TLN2: variants seen among roughly 807,000 people sequenced by gnomAD.
The protein encoded by TLN2 is talin-2.
Under a neutral mutation model 294.7 loss-of-function variants are expected in TLN2, and 118 were observed. The ratio of observed to expected loss-of-function variants is 0.40; its 90% confidence interval spans 0.34 to 0.47. The LOEUF is 0.47. Among genes scored for constraint, TLN2 ranks in the 20% least tolerant of loss-of-function variants. The pLI, the probability that TLN2 is intolerant of heterozygous loss-of-function variation, is 0.84. For missense variants in TLN2, 3,083 were observed against 3,282.2 expected (o/e 0.94, Z 1.48); for synonymous variants, 1,431 against 1,304.5 (o/e 1.10, Z -2.09).
chr15:62,568,404 T>C (rs1012079818), intron 1 of TLN2, among the ~76,000 whole-genome samples: 4 of 152,224 alleles, frequency 2.6e-5, no homozygotes, highest in Non-Finnish European at 5.9e-5. Flanking sequence ...AGCAATCTCT[T>C]TAAATGGAAC....
chr15:62,467,665 A>G (rs1364631144), intron 1 of TLN2, among the ~76,000 whole-genome samples: 4 of 141,526 alleles, frequency 2.8e-5, no homozygotes, highest in African/African-American at 1.0e-4. Flanking sequence ...AGCCTGGGTG[A>G]CAGAGTGAGA....
intron 1 of TLN2, among the ~76,000 whole-genome samples, chr15:62,542,379 A>C (rs2041744795): frequency 6.6e-6 from 1 of 151,850 alleles, no homozygotes; most frequent in South Asian, 2.1e-4. Flanking sequence ...TTTAGTAGAG[A>C]CGGGGTTTCA....
At chr15:62,711,515 T>G (rs1381933630) in intron 21 of TLN2, among the ~76,000 whole-genome samples, 1 of 152,240 alleles carries the variant, frequency 6.6e-6, no homozygotes, top group Non-Finnish European at 1.5e-5. Flanking sequence ...CTGTGCCAAT[T>G]CTTCAAAAAG....
At chr15:62,578,676 C>T (rs1297936023) in intron 1 of TLN2, among the ~76,000 whole-genome samples, 1 of 152,090 alleles carries the variant, frequency 6.6e-6, no homozygotes, top group African/African-American at 2.4e-5. Flanking sequence ...GATTTTATTC[C>T]AGGTAGAGAG....
intron 2 of TLN2, among the ~76,000 whole-genome samples, chr15:62,614,786 C>T (rs1334001846): frequency 1.3e-5 from 2 of 152,132 alleles, no homozygotes. Context: ...ACTTCTCCAC[C>T]ATCTTTCTGT....
At chr15:62,504,735 T>C (rs2039494746) in intron 1 of TLN2, among the ~76,000 whole-genome samples, 2 of 152,246 alleles carry the variant, frequency 1.3e-5, no homozygotes, top group South Asian at 2.1e-4. Flanking sequence ...TATTTATTTA[T>C]TGTTGTCAGT....
chr15:62,497,505 G>A (rs2039071223), intron 1 of TLN2, among the ~76,000 whole-genome samples: 1 of 152,242 alleles, frequency 6.6e-6, no homozygotes, highest in Non-Finnish European at 1.5e-5. Context: ...GCTGCAGGAT[G>A]CCTGCTTCCT....
At chr15:62,629,493 T>A (rs2049584687) in intron 3 of TLN2, among the ~76,000 whole-genome samples, 2 of 152,190 alleles carry the variant, frequency 1.3e-5, no homozygotes, top group African/African-American at 4.8e-5. Context: ...TGAATTTTGT[T>A]TTTAAAGCTT....
At chr15:62,828,279 T>A (rs2068415660) in intron 54 of TLN2, 1 of 152,262 alleles carries the variant, frequency 6.6e-6, no homozygotes, top group African/African-American at 2.4e-5. Flanking sequence ...AAATCTGTCC[T>A]CAGCAAGAGT....
chr15:62,749,347 A>G (rs1198197504), intron 33 of TLN2, among the ~76,000 whole-genome samples: 1 of 152,166 alleles, frequency 6.6e-6, no homozygotes, highest in Non-Finnish European at 1.5e-5. Flanking sequence ...CTGAATTACT[A>G]CCCTATTCTG....
chr15:62,419,759 C>A (rs1237824614), intron 1 of TLN2, among the ~76,000 whole-genome samples: 1 of 152,074 alleles, frequency 6.6e-6, no homozygotes. Flanking sequence ...GCGTCATCCT[C>A]CTAAGCAGCT....
chr15:62,647,892 A>T (rs1032095199), intron 4 of TLN2, among the ~76,000 whole-genome samples: 3 of 151,752 alleles, frequency 2.0e-5, no homozygotes, highest in African/African-American at 7.3e-5. Context: ...TTTATCTCAA[A>T]CCTTAAAAAA....
intron 27 of TLN2, among the ~76,000 whole-genome samples, 156 bp downstream of exon 27, chr15:62,725,260 A>G (rs1196329440): frequency 1.3e-5 from 2 of 152,108 alleles, no homozygotes; most frequent in African/African-American, 4.8e-5. Context: ...AGCTGGAGGA[A>G]CTAGGTTTGG....
At chr15:62,418,053 C>T (rs1464844759) in intron 1 of TLN2, among the ~76,000 whole-genome samples, 1 of 152,216 alleles carries the variant, frequency 6.6e-6, no homozygotes, top group Non-Finnish European at 1.5e-5. Context: ...AAGGAAGGGT[C>T]TCCCTGGAAA....
intron 11 of TLN2, among the ~76,000 whole-genome samples, chr15:62,681,066 A>G (rs2056788216): frequency 6.6e-6 from 1 of 152,096 alleles, no homozygotes; most frequent in Non-Finnish European, 1.5e-5. Flanking sequence ...TTTTTCATGT[A>G]ATGTCTTCTT....
chr15:62,785,180 AAGAG>A (rs1237672303), intron 45 of TLN2, among the ~76,000 whole-genome samples: 1 of 152,228 alleles, frequency 6.6e-6, no homozygotes, highest in African/African-American at 2.4e-5. Context: ...CTACCAAGAA[AAGAG>A]AGTTATCAGA....
intron 1 of TLN2, among the ~76,000 whole-genome samples, chr15:62,586,158 G>A (rs189948937): frequency 1.5e-4 from 23 of 152,300 alleles, no homozygotes; most frequent in Admixed American, 5.9e-4. Flanking sequence ...CATCTCCGTC[G>A]CAAATGTGGA....
chr15:62,740,370 G>A (rs1018129536), intron 31 of TLN2: 2 of 395,132 alleles, frequency 5.1e-6, no homozygotes, highest in Non-Finnish European at 4.6e-6. Flanking sequence ...CTCTAGTTGT[G>A]AGAAAAGCAC....
chr15:62,586,891 A>G (rs1026426441), intron 1 of TLN2, among the ~76,000 whole-genome samples: 3 of 152,230 alleles, frequency 2.0e-5, no homozygotes, highest in Non-Finnish European at 4.4e-5. Context: ...TGTAGTACAT[A>G]AACATTAGTT....
Sources: gnomAD v4.1 joint callset for allele counts (sites outside exome capture counted in the v4.1 genomes callset) on GRCh38, gnomAD v4.1.1 for gene constraint, MANE v1.5 for transcripts, NCBI Gene and HGNC (gene_info 2026-07-23, HGNC 2026-07-21) for gene names.